The following AMPD2 variants were observed in gnomAD, a reference collection of about 807,000 sequenced individuals.
AMPD2 encodes the protein AMP deaminase 2.
Under a neutral mutation model 91.3 loss-of-function variants are expected in AMPD2, and 52 were observed. That is an observed-to-expected ratio of 0.57 (90% CI 0.46 to 0.72). The LOEUF (loss-of-function observed/expected upper bound fraction) is 0.72, where lower values mean the gene tolerates loss of function less well. Ranked by LOEUF, AMPD2 falls within the 30% of genes least tolerant of loss-of-function variation. AMPD2 has a pLI of 0.00. For missense variants in AMPD2, 822 were observed against 1,122.3 expected, an observed-to-expected ratio of 0.73 and a Z score of 3.82; for synonymous variants, 455 against 456.4, an observed-to-expected ratio of 1.00 and a Z score of 0.04.
chr1:109,626,439 G>A lies in AMPD2; in HGVS notation c.531+12G>A, dbSNP rs765227765. 3 of 1,596,644 alleles carry A rather than the reference G, an allele frequency of 1.9e-6. No homozygotes were observed. Among genetic ancestry groups the A allele is most frequent in the Non-Finnish European group, 2.6e-6 (3 of 1,172,848 alleles). On this transcript the variant is annotated intron_variant, in intron 6 of 18. Coordinates refer to ENST00000528667, the MANE Select transcript of AMPD2 (RefSeq NM_001368809.2). Reference sequence around the variant, plus strand: ...AGGAGAAGTGTGGGGTAAGTATGGGGTGTATGTTGGGTGAGTCGCCATCAC... The same window carrying A: ...AGGAGAAGTGTGGGGTAAGTATGGGATGTATGTTGGGTGAGTCGCCATCAC...
chr1:109,622,700 CTGT>C (rs1323767089), intron 2 of AMPD2, among the ~76,000 whole-genome samples: 2 of 152,080 alleles, frequency 1.3e-5, no homozygotes, highest in Non-Finnish European at 2.9e-5. Flanking sequence ...ATGGCACTGG[CTGT>C]TGGAATCTGT....
At chr1:109,627,644 C>A in intron 9 of AMPD2, 126 bp downstream of exon 9, 1 of 1,515,586 alleles carries the variant, frequency 6.6e-7, no homozygotes, top group East Asian at 2.3e-5. Flanking sequence ...TCGACTTCCC[C>A]GCAGTCTACT....
chr1:109,630,572 G>T (rs927492844), intron 17 of AMPD2, 111 bp from the exon 18 acceptor site: 45 of 982,814 alleles, frequency 4.6e-5, no homozygotes, highest in Admixed American at 2.2e-4. Flanking sequence ...GGGGTTGGGG[G>T]GTTGGGGGGA....
At position 109,624,133 on chromosome 1, in the gene AMPD2, T is replaced by G; in HGVS notation, c.92-1170T>G. 1.1e-6 allele frequency: 1 copy of G among 951,942 alleles called. No individual in the cohort carries two copies. Among genetic ancestry groups the G allele is most frequent in the Non-Finnish European group, 1.3e-6 (1 of 799,288 alleles). The allele number at this position is 951,942 out of a possible 1,614,324, so 59.0% of individuals were successfully genotyped here. On this transcript the variant is annotated intron_variant, in intron 2 of 18. Coordinates refer to ENST00000528667, the MANE Select transcript of AMPD2 (RefSeq NM_001368809.2). This position sits in a 1 kb window ranked among gnomAD's most constrained non-coding sequence, Gnocchi z 5.2. ...CCGGGGTGCGCAGGGGACGGGGTCC[T>G]GGATCTGGGGCAGGCCCCTCCCTCT...
At position 109,630,784 on chromosome 1, in the gene AMPD2, C is replaced by G. The variant is rs1404251510; in HGVS notation, c.2259C>G (p.Phe753Leu). Reference sequence around the variant, plus strand: ...GCAACAGCGTGCTCATGAGCGGCTTCTCGCACAAGGTACTACAGCGCCTGC... The same window carrying G: ...GCAACAGCGTGCTCATGAGCGGCTTGTCGCACAAGGTACTACAGCGCCTGC... ...LARNSVLMSGFSHKVKSHWLG... is the reference protein window; with the variant it reads ...LARNSVLMSGLSHKVKSHWLG... The change falls in exon 18 of 19, where the codon TTC becomes TTG. Residue 753 changes from phenylalanine to leucine, a missense_variant. Phe to Leu is a conservative substitution (Grantham distance 22). This residue lies in a region of AMPD2 where 430 missense variants were observed against 606.0 expected (regional missense o/e 0.71). Coordinates refer to ENST00000528667, the MANE Select transcript of AMPD2 (RefSeq NM_001368809.2). 1 of 1,608,348 alleles carries G rather than the reference C, an allele frequency of 6.2e-7. No homozygotes were observed. Among genetic ancestry groups the G allele is most frequent in the Admixed American group, 1.7e-5 (1 of 59,384 alleles).
chr1:109,627,025 C>A, intron 7 of AMPD2, 113 bp downstream of exon 7: 1 of 1,540,730 alleles, frequency 6.5e-7, no homozygotes, highest in Non-Finnish European at 8.8e-7. Flanking sequence ...AGGCTCATTC[C>A]AACCTCTTGG....
chr1:109,628,216 T>A lies in AMPD2; in HGVS notation c.1214T>A (p.Val405Asp). 6.2e-7 allele frequency: 1 copy of A among 1,612,702 alleles called. No individual in the cohort carries two copies. Among genetic ancestry groups the A allele is most frequent in the Non-Finnish European group, 8.5e-7 (1 of 1,179,722 alleles). ...GGCCGTGAACAGACGCTGCGGGAGGTCTTTGAGAGCATGAATCTCACGGCC... is the reference window on the plus strand; with the variant it reads ...GGCCGTGAACAGACGCTGCGGGAGGACTTTGAGAGCATGAATCTCACGGCC... ...EQGREQTLRE[V>D]FESMNLTAYD... The change falls in exon 11 of 19, where the codon GTC becomes GAC. Residue 405 changes from valine (V) to aspartate (D), a missense_variant. Physicochemically the swap from Val to Asp is radical, Grantham distance 152. Coordinates refer to ENST00000528667, the MANE Select transcript of AMPD2 (RefSeq NM_001368809.2). The surrounding 1 kb of genome is among the most constrained non-coding windows in gnomAD (Gnocchi z 7.1).
Position 109,620,905 on chromosome 1 carries a change from C to T in AMPD2, c.-262-9C>T, listed in dbSNP as rs1339749420. ...CTTTTCTACCCACCCCCTCCCCGCCCCCCGCCAGGCCCAGCCACCATCAGT... is the reference window on the plus strand; with the variant it reads ...CTTTTCTACCCACCCCCTCCCCGCCTCCCGCCAGGCCCAGCCACCATCAGT... On this transcript the variant is annotated splice_polypyrimidine_tract_variant and intron_variant, in intron 1 of 18. Coordinates refer to ENST00000528667, the MANE Select transcript of AMPD2 (RefSeq NM_001368809.2). 19 of 1,464,284 alleles carry T rather than the reference C, an allele frequency of 1.3e-5. 1 individual carries two copies. In the African/African-American group the frequency reaches 2.6e-4, roughly 20 times the overall value. The allele number at this position is 1,464,284 out of a possible 1,614,324, so 90.7% of individuals were successfully genotyped here.
chr1:109,622,295 G>T (rs982229154), intron 2 of AMPD2: 18 of 456,204 alleles, frequency 3.9e-5, no homozygotes, highest in African/African-American at 3.0e-4. Flanking sequence ...GTTTGGTTCA[G>T]CAATAGGGCA....
Position 109,627,417 on chromosome 1 carries a change from C to G in AMPD2, c.861-12C>G, listed in dbSNP as rs1650800317. 1.2e-6 allele frequency: 2 copies of G among 1,613,950 alleles called. No individual in the cohort carries two copies. Among genetic ancestry groups the G allele is most frequent in the African/African-American group, 2.7e-5 (2 of 74,892 alleles). On this transcript the variant is annotated splice_polypyrimidine_tract_variant and intron_variant, in intron 8 of 18. Coordinates refer to ENST00000528667, the MANE Select transcript of AMPD2 (RefSeq NM_001368809.2). ...GGCTTGCTCTCCTCACCCAAGCTCC[C>G]CTCCATGCCAGTTGCTCAGAGGTGG...
intron 1 of AMPD2, chr1:109,620,633 G>C: frequency 8.3e-7 from 1 of 1,205,810 alleles, no homozygotes; most frequent in Non-Finnish European, 1.0e-6. Context: ...GGGAGCTGAG[G>C]GTCAGATGTG....
In AMPD2 at chr1:109,631,372, A is replaced by G. The variant is rs1459347465; in HGVS notation, c.*220A>G. 15 of 597,886 alleles carry G rather than the reference A, an allele frequency of 2.5e-5. No homozygotes were observed. The highest frequency in any genetic ancestry group is 2.4e-4 in the South Asian group (12 of 50,404). 37.0% of individuals were successfully genotyped at this position (597,886 alleles called of 1,614,324 possible). A position where few individuals can be genotyped will look rare whatever the true frequency, so the allele number is the denominator to read the frequency against. ...AGGTATTGAGCCTGATGGCCCAGGT[A>G]TTGAGGGCCTCCCCTGCTGGTGGCC... is the stretch of plus-strand genomic sequence containing the variant. On this transcript the variant is annotated 3_prime_UTR_variant, in exon 19 of 19. Coordinates refer to ENST00000528667, the MANE Select transcript of AMPD2 (RefSeq NM_001368809.2).
At position 109,620,120 on chromosome 1, in the gene AMPD2, C is replaced by A; in HGVS notation, c.-421C>A. ...GCCAGCTGGCAATTTTGAAAGACTG[C>A]CTTACTTTCCCCATCTCAGTGCCAG... On this transcript the variant is annotated 5_prime_UTR_variant, in exon 1 of 19. Transcript: ENST00000528667. 8.8e-7 allele frequency: 1 copy of A among 1,137,074 alleles called. No homozygotes were observed. The highest frequency in any genetic ancestry group is 1.3e-6 in the Non-Finnish European group (1 of 765,656). 70.4% of individuals were successfully genotyped at this position (1,137,074 alleles called of 1,614,324 possible). A position where few individuals can be genotyped will look rare whatever the true frequency, so the allele number is the denominator to read the frequency against.
chr1:109,629,531 C>G, intron 15 of AMPD2, 41 bp downstream of exon 15: 1 of 1,603,522 alleles, frequency 6.2e-7, no homozygotes, highest in Non-Finnish European at 8.5e-7. Context: ...TGCCATCTCT[C>G]GCCCAACAAA....
At chr1:109,630,608 AG>A in intron 17 of AMPD2, 74 bp from the exon 18 acceptor site, 3 of 1,283,716 alleles carry the variant, frequency 2.3e-6, no homozygotes, top group Non-Finnish European at 3.2e-6. Context: ...GGGGAGAGTG[AG>A]TGAGGAGGCT....
chr1:109,621,439 T>TGGGGGGGGG, intron 2 of AMPD2, 173 bp downstream of exon 2: 2 of 121,626 alleles, frequency 1.6e-5, no homozygotes, highest in Non-Finnish European at 3.3e-5. Context: ...TGAGGGGTGG[T>TGGGGGGGGG]GGGGGGCGGG....
At position 109,626,747 on chromosome 1, in the gene AMPD2, G is replaced by C; in HGVS notation, c.553G>C (p.Asp185His). The change falls in exon 7 of 19, where the codon GAT becomes CAT. Residue 185 changes from aspartate (D) to histidine (H), a missense_variant. By Grantham distance (81) the Asp-to-His change is moderately conservative. Around this residue, in one of 5 missense-constraint regions of AMPD2, gnomAD observed 240 missense variants for 270.3 expected, o/e 0.89. Coordinates refer to ENST00000528667, the MANE Select transcript of AMPD2 (RefSeq NM_001368809.2). The stretch of plus-strand genomic sequence containing the variant: ...CCAGGTGCCGTTCACAGACCTGCTG[G>C]ATGCAGCCAAGAGTGTGGTGCGGGC... Reference protein sequence around the residue: ...KCGVPFTDLLDAAKSVVRALF... With the variant: ...KCGVPFTDLLHAAKSVVRALF... 6.2e-7 allele frequency: 1 copy of C among 1,613,612 alleles called. No homozygotes were observed. The highest frequency in any genetic ancestry group is 8.5e-7 in the Non-Finnish European group (1 of 1,179,720).
rs773345577 is a variant in AMPD2, at chr1:109,630,471, TGGGGGGCGGTGG to T, written c.2157+76_2157+87del. On this transcript the variant is annotated intron_variant, in intron 17 of 18. Transcript: ENST00000528667. ...GGACGCTGGGGTCTCCCGGGTTGGG[TGGGGGGCGGTGG>T]GGGGGGCGGTCTCTCGGGTTGGTGC... 5.6e-4 allele frequency: 25 copies of T among 44,484 alleles called. 2 individuals are homozygous for T. The highest frequency in any genetic ancestry group is 4.4e-3 in the East Asian group (9 of 2,036). The allele number at this position is 44,484 out of a possible 1,614,324, so 2.8% of individuals were successfully genotyped here. A position where few individuals can be genotyped will look rare whatever the true frequency, so the allele number is the denominator to read the frequency against.
In AMPD2 at chr1:109,625,827, A is replaced by C; in HGVS notation, c.353+35A>C. 6.2e-7 allele frequency: 1 copy of C among 1,613,190 alleles called. No homozygotes were observed. On this transcript the variant is annotated intron_variant, in intron 4 of 18. Transcript: ENST00000528667. The surrounding 1 kb of genome is among the most constrained non-coding windows in gnomAD (Gnocchi z 4.0). Reference sequence around the variant, plus strand: ...GCAGGCAGCTGCTTAGTCTCCCTCCATACCCTTCCAGACCCTTTCAGAGCC... The same window carrying C: ...GCAGGCAGCTGCTTAGTCTCCCTCCCTACCCTTCCAGACCCTTTCAGAGCC...
Sources: gnomAD v4.1 joint callset for allele counts (sites outside exome capture counted in the v4.1 genomes callset) on GRCh38, gnomAD v4.1.1 for gene constraint, gnomAD v4.1.1 regional missense constraint, Gnocchi (gnomAD v3.1) non-coding constraint, MANE v1.5 for transcripts, NCBI Gene and HGNC (gene_info 2026-07-23, HGNC 2026-07-21) for gene names.